TMEM123: variants seen among roughly 807,000 people sequenced by gnomAD.
The protein encoded by TMEM123 is porimin.
TMEM123 carries 16 observed loss-of-function variants against 19.7 expected under a neutral mutation model. The ratio of observed to expected loss-of-function variants is 0.81; its 90% confidence interval spans 0.55 to 1.23. The LOEUF is 1.23. Ranked by LOEUF, TMEM123 falls within the 50% of genes most tolerant of loss-of-function variation. The pLI is 0.00. For missense variants in TMEM123, 313 were observed against 257.8 expected, an observed-to-expected ratio of 1.21 and a Z score of -1.47; for synonymous variants, 118 against 99.4, an observed-to-expected ratio of 1.19 and a Z score of -1.12.
chr11:102,423,530 A>G (rs746742975), intron 2 of TMEM123, among the ~76,000 whole-genome samples: 10 of 152,236 alleles, frequency 6.6e-5, no homozygotes, highest in Non-Finnish European at 1.2e-4. Context: ...ACACTGGAAG[A>G]AAATTCTCTA....
rs1016468793 is a variant in TMEM123, at chr11:102,445,779, G to A, written c.157+3033C>T. On this transcript the variant is annotated intron_variant, in intron 2 of 4. Coordinates refer to ENST00000398136, the MANE Select transcript of TMEM123 (RefSeq NM_052932.3). ...GATCCAATAAAGAATAAAAGGAAAA[G>A]GTACCTAATAGTGTAATAAAACATT... Among the ~76,000 whole-genome samples, 4 of 152,234 alleles carry A rather than the reference G, an allele frequency of 2.6e-5. No individual in the cohort carries two copies. In the East Asian group the frequency reaches 5.8e-4, roughly 22 times the overall value.
intron 2 of TMEM123, among the ~76,000 whole-genome samples, chr11:102,414,847 A>G (rs563763784): frequency 2.0e-4 from 31 of 152,330 alleles, no homozygotes; most frequent in African/African-American, 7.2e-4. Context: ...CACACATATC[A>G]ATGTTAACCT....
intron 2 of TMEM123, among the ~76,000 whole-genome samples, chr11:102,441,715 G>A (rs1342949760): frequency 1.4e-5 from 2 of 145,484 alleles, no homozygotes. Context: ...GAAGGAGACA[G>A]ACACACAAAA....
intron 2 of TMEM123, among the ~76,000 whole-genome samples, chr11:102,440,699 T>C (rs1273277077): frequency 6.6e-6 from 1 of 152,158 alleles, no homozygotes; most frequent in Non-Finnish European, 1.5e-5. Flanking sequence ...CACATAACAA[T>C]ATTAACCTTA....
chr11:102,434,775 A>G (rs1857745755), intron 2 of TMEM123, among the ~76,000 whole-genome samples: 1 of 151,818 alleles, frequency 6.6e-6, no homozygotes, highest in African/African-American at 2.4e-5. Flanking sequence ...ATGTGGTCTG[A>G]TATCAGGGTG....
Position 102,441,276 on chromosome 11 carries a change from T to C in TMEM123, c.157+7536A>G, listed in dbSNP as rs1390591080. On this transcript the variant is annotated intron_variant, in intron 2 of 4. Transcript: ENST00000398136. ...GCACCACATCGCACTTATTGAAAAC[T>C]GACTACATAGTTGGAAGTAAAGCAC... Among the ~76,000 whole-genome samples the C allele has an allele frequency of 2.6e-5, 4 of 152,316 alleles. No individual in the cohort carries two copies. The South Asian group carries it at 6.2e-4, about 24-fold the overall frequency.
At chr11:102,401,321 A>AT (rs1275043458) in intron 4 of TMEM123, among the ~76,000 whole-genome samples, 3 of 152,186 alleles carry the variant, frequency 2.0e-5, no homozygotes, top group Admixed American at 6.5e-5. Context: ...AGTAAAATAC[A>AT]TTTTTTTAAG....
intron 2 of TMEM123, among the ~76,000 whole-genome samples, chr11:102,407,213 T>G (rs2044668292): frequency 6.6e-6 from 1 of 152,258 alleles, no homozygotes; most frequent in African/African-American, 2.4e-5. Context: ...GCTTTGCCAC[T>G]GCAAGGCTTC....
In TMEM123 at chr11:102,398,559, A is replaced by G; in HGVS notation, c.*308T>C. 2.2e-6 allele frequency: 1 copy of G among 447,670 alleles called. No homozygotes were observed. Among genetic ancestry groups the G allele is most frequent in the Non-Finnish European group, 3.9e-6 (1 of 258,164 alleles). 27.7% of individuals were successfully genotyped at this position (447,670 alleles called of 1,614,324 possible). A position where few individuals can be genotyped will look rare whatever the true frequency, so the allele number is the denominator to read the frequency against. On this transcript the variant is annotated 3_prime_UTR_variant, in exon 5 of 5. Coordinates refer to ENST00000398136, the MANE Select transcript of TMEM123 (RefSeq NM_052932.3). ...TGTCTTTCAGTGATGACGTCTTTCA[A>G]TTACTGGTCATATGTGACCAATGCC... is the stretch of plus-strand genomic sequence containing the variant.
intron 2 of TMEM123, among the ~76,000 whole-genome samples, chr11:102,431,253 T>C (rs1196076918): frequency 7.9e-4 from 121 of 152,230 alleles, no homozygotes; most frequent in Non-Finnish European, 3.1e-4. Flanking sequence ...ATATAGGCAT[T>C]ACCTCACATA....
rs942115007 is a variant in TMEM123 at position 102,397,002 on chromosome 11, T to C, written c.*1865A>G. 6.6e-6 allele frequency: 1 copy of C among 152,174 alleles called. No homozygotes were observed. Among genetic ancestry groups the C allele is most frequent in the Non-Finnish European group, 1.5e-5 (1 of 68,036 alleles). The allele number at this position is 152,174 out of a possible 1,614,324, so 9.4% of individuals were successfully genotyped here. On this transcript the variant is annotated 3_prime_UTR_variant, in exon 5 of 5. Coordinates refer to ENST00000398136, the MANE Select transcript of TMEM123 (RefSeq NM_052932.3). ...TCATTAGAATAAAGTATATCTTAAC[T>C]ACATTTTGCAAAGAAATGAAGCAAT... is the stretch of plus-strand genomic sequence containing the variant.
At chr11:102,403,743 A>G (rs1951931811) in intron 2 of TMEM123, among the ~76,000 whole-genome samples, 1 of 152,214 alleles carries the variant, frequency 6.6e-6, no homozygotes. Context: ...CAGATCCCTC[A>G]TAAATGGCTT....
Position 102,434,890 on chromosome 11 carries a change from CT to C in TMEM123, c.157+13921del, listed in dbSNP as rs1224618458. ...TTCTTGCACTTTTGTCTGAAATCAA[CT>C]GGCCATCAATGTGTGATGGGAACTC... On this transcript the variant is annotated intron_variant, in intron 2 of 4. Coordinates refer to ENST00000398136, the MANE Select transcript of TMEM123 (RefSeq NM_052932.3). 7.2e-5 allele frequency among the ~76,000 whole-genome samples: 11 copies of C among 151,914 alleles called. 1 individual carries two copies. Among genetic ancestry groups the C allele is most frequent in the Admixed American group, 6.6e-4 (10 of 15,218 alleles).
intron 2 of TMEM123, among the ~76,000 whole-genome samples, chr11:102,412,205 C>T (rs913596476): frequency 2.6e-5 from 4 of 151,976 alleles, no homozygotes; most frequent in Non-Finnish European, 4.4e-5. Context: ...CCAAGGGAGG[C>T]GAATCATCTG....
chr11:102,401,454 G>A lies in TMEM123; in HGVS notation c.602+85C>T, dbSNP rs1951911551. 3 of 1,267,044 alleles carry A rather than the reference G, an allele frequency of 2.4e-6. No individual in the cohort carries two copies. In the Admixed American group the frequency reaches 8.1e-5, roughly 34 times the overall value. The allele number at this position is 1,267,044 out of a possible 1,614,324, so 78.5% of individuals were successfully genotyped here. The stretch of plus-strand genomic sequence containing the variant: ...AAATCTATCAATTATTCATCCCTGA[G>A]ATGAGCACTGGCTTGATATTCTATC... On this transcript the variant is annotated intron_variant, in intron 4 of 4. Transcript: ENST00000398136.
intron 2 of TMEM123, among the ~76,000 whole-genome samples, chr11:102,404,475 C>T (rs953771160): frequency 1.3e-5 from 2 of 151,682 alleles, no homozygotes; most frequent in Non-Finnish European, 2.9e-5. Context: ...GTAGAGACAG[C>T]GCTTCACCAT....
chr11:102,408,492 A>G (rs1347961623), intron 2 of TMEM123, among the ~76,000 whole-genome samples: 2 of 152,196 alleles, frequency 1.3e-5, no homozygotes, highest in African/African-American at 4.8e-5. Flanking sequence ...TGGGTACCTT[A>G]GGCAAGTTAC....
intron 2 of TMEM123, among the ~76,000 whole-genome samples, chr11:102,414,506 G>C (rs147919888): frequency 1.3e-5 from 2 of 152,344 alleles, no homozygotes; most frequent in African/African-American, 4.8e-5. Context: ...CCTTTCTGCA[G>C]AAACCCTCTA....
chr11:102,402,103 G>C lies in TMEM123; in HGVS notation c.261C>G (p.Thr87=). 1 of 1,614,132 alleles carries C rather than the reference G, an allele frequency of 6.2e-7. No individual in the cohort carries two copies. Among genetic ancestry groups the C allele is most frequent in the South Asian group, 1.1e-5 (1 of 91,078 alleles). Residue 87 remains threonine, a synonymous_variant, in exon 3 of 5, where the codon ACC becomes ACG. Transcript: ENST00000398136. ...TAGATGCCGCTGTAGGTTTCATGGTGGTGACCGTTGTATTACTGGAGTCTG... is the reference window on the plus strand; with the variant it reads ...TAGATGCCGCTGTAGGTTTCATGGTCGTGACCGTTGTATTACTGGAGTCTG... ...VASDSSNTTV[T]TMKPTAASNT...
Sources: gnomAD v4.1 joint callset for allele counts (sites outside exome capture counted in the v4.1 genomes callset) on GRCh38, gnomAD v4.1.1 for gene constraint, MANE v1.5 for transcripts, NCBI Gene and HGNC (gene_info 2026-07-23, HGNC 2026-07-21) for gene names.